DNMBP: variants seen among roughly 807,000 people sequenced by gnomAD.
The protein encoded by DNMBP is dynamin binding protein.
DNMBP carries 87 observed loss-of-function variants against 150.0 expected under a neutral mutation model. That is an observed-to-expected ratio of 0.58 (90% confidence interval 0.49 to 0.69). The LOEUF is 0.69. DNMBP is among the 30% of genes least tolerant of loss of function. The pLI, the probability that DNMBP is intolerant of heterozygous loss-of-function variation, is 0.00. For synonymous variants in DNMBP, 711 were observed against 750.4 expected, an observed-to-expected ratio of 0.95 and a Z score of 0.86; for missense variants, 1,774 against 1,949.0, an observed-to-expected ratio of 0.91 and a Z score of 1.69.
chr10:99,982,480 A>G (rs2040789212), intron 1 of DNMBP, among the ~76,000 whole-genome samples: 1 of 151,932 alleles, frequency 6.6e-6, no homozygotes, highest in Admixed American at 6.6e-5. Context: ...AAAATAAAAT[A>G]AAGAATTGAG....
intron 5 of DNMBP, among the ~76,000 whole-genome samples, 155 bp downstream of exon 5, chr10:99,908,798 C>G (rs914654128): frequency 6.6e-6 from 1 of 152,096 alleles, no homozygotes; most frequent in Admixed American, 6.5e-5. Flanking sequence ...TGATGACACA[C>G]GTATGTTGAG....
At position 99,908,990 on chromosome 10, in the gene DNMBP, C is replaced by T. The variant is rs375519110; in HGVS notation, c.2417G>A (p.Cys806Tyr). Residue 806 changes from cysteine (C) to tyrosine (Y), a missense_variant, in exon 5 of 17, where the codon TGT (cysteine) becomes TAT (tyrosine). Transcript: ENST00000324109. ...CATGGGTACCATGATCCGCTCAATA[C>T]ACATTTCCAGATCCCGAATGTAGTC... Reference protein sequence around the residue: ...ERDYIRDLEMCIERIMVPMQQ... With the variant: ...ERDYIRDLEMYIERIMVPMQQ... 1 of 1,614,162 alleles carries T rather than the reference C, an allele frequency of 6.2e-7. No homozygotes were observed. The highest frequency in any genetic ancestry group is 8.5e-7 in the Non-Finnish European group (1 of 1,180,012).
At chr10:99,967,392 G>A (rs960885093) in intron 3 of DNMBP, among the ~76,000 whole-genome samples, 4 of 152,110 alleles carry the variant, frequency 2.6e-5, no homozygotes, top group Non-Finnish European at 5.9e-5. Context: ...TGGGTGTGGT[G>A]GCAGGTGCCT....
Position 99,885,789 on chromosome 10 carries a change from G to T in DNMBP, c.3696C>A (p.Leu1232=), listed in dbSNP as rs186908796. The change falls in exon 14 of 17, where the codon CTC becomes CTA. Residue 1232 remains leucine, a synonymous_variant. Coordinates refer to ENST00000324109, the MANE Select transcript of DNMBP (RefSeq NM_015221.4). ...ACTCCGGGAAGAAGGTAAAAACCTGGAGTTGCTGCAGAACTCTGCTGTGCT... is the reference window on the plus strand; with the variant it reads ...ACTCCGGGAAGAAGGTAAAAACCTGTAGTTGCTGCAGAACTCTGCTGTGCT... ...HEEHSRVLQQ[L]QVFTFFPESL... The T allele has an allele frequency of 6.2e-7, 1 of 1,612,264 alleles. No individual in the cohort carries two copies.
intron 1 of DNMBP, among the ~76,000 whole-genome samples, chr10:99,999,019 G>A (rs938174028): frequency 1.3e-5 from 2 of 152,240 alleles, no homozygotes; most frequent in Admixed American, 6.5e-5. Context: ...TTTCGGAGGT[G>A]CCACGTGGTT....
rs557957439 is a variant in DNMBP, at chr10:99,876,210, T to C, written c.*941A>G. The stretch of plus-strand genomic sequence containing the variant: ...CTCATACTGTTACTCTAGGAAAATC[T>C]ATCAATTATTGAGTCCAGGGCAGGG... On this transcript the variant is annotated 3_prime_UTR_variant, in exon 17 of 17. Transcript: ENST00000324109. 1 of 152,298 alleles carries C rather than the reference T, an allele frequency of 6.6e-6. No homozygotes were observed. Among genetic ancestry groups the C allele is most frequent in the East Asian group, 1.9e-4 (1 of 5,184 alleles). The allele number at this position is 152,298 out of a possible 1,614,324, so 9.4% of individuals were successfully genotyped here.
intron 15 of DNMBP, among the ~76,000 whole-genome samples, chr10:99,881,071 C>T (rs2039360006): frequency 6.6e-6 from 1 of 152,034 alleles, no homozygotes; most frequent in South Asian, 2.1e-4. Context: ...ATTAAAAATA[C>T]GAAAATATTA....
chr10:99,971,860 C>CTTTCTT, intron 2 of DNMBP, 120 bp downstream of exon 2: 3 of 706,340 alleles, frequency 4.2e-6, no homozygotes, highest in Non-Finnish European at 6.4e-6. Context: ...TTCTTTCTTT[C>CTTTCTT]TTTTTTTTTT....
chr10:99,948,167 T>C (rs2040379580), intron 4 of DNMBP, among the ~76,000 whole-genome samples: 1 of 152,204 alleles, frequency 6.6e-6, no homozygotes, highest in East Asian at 1.9e-4. Context: ...GTTATTAAAA[T>C]ATATAATCAT....
intron 4 of DNMBP, among the ~76,000 whole-genome samples, chr10:99,935,741 C>T (rs1289028864): frequency 6.6e-6 from 1 of 152,086 alleles, no homozygotes; most frequent in Non-Finnish European, 1.5e-5. Flanking sequence ...ATTTTGTATT[C>T]TTAGTAGACA....
chr10:99,990,135 T>C (rs2040870202), intron 1 of DNMBP, among the ~76,000 whole-genome samples: 1 of 152,352 alleles, frequency 6.6e-6, no homozygotes, highest in Middle Eastern at 3.4e-3. Context: ...ATCACACTAT[T>C]CTTTCCCACA....
chr10:100,002,168 C>A (rs903942849), intron 1 of DNMBP, among the ~76,000 whole-genome samples: 1 of 152,138 alleles, frequency 6.6e-6, no homozygotes, highest in African/African-American at 2.4e-5. Context: ...TGCTCCCCCA[C>A]CCCAATAAAA....
chr10:99,981,849 G>A (rs2040782553), intron 1 of DNMBP, among the ~76,000 whole-genome samples: 1 of 152,126 alleles, frequency 6.6e-6, no homozygotes. Flanking sequence ...CTCCCTGCTG[G>A]GTTGTGAGTT....
chr10:99,891,567 G>A (rs1407714791), intron 11 of DNMBP, among the ~76,000 whole-genome samples: 2 of 151,938 alleles, frequency 1.3e-5, no homozygotes, highest in African/African-American at 2.4e-5. Flanking sequence ...CCAAAGTGCC[G>A]AGATTGCAGC....
At position 99,898,755 on chromosome 10, in the gene DNMBP, A is replaced by T. The variant is rs749628927; in HGVS notation, c.2708T>A (p.Leu903Gln). 3.7e-6 allele frequency: 6 copies of T among 1,613,826 alleles called. No individual in the cohort carries two copies. In the South Asian group the frequency reaches 6.6e-5, roughly 18 times the overall value. ...CAATGGAACTTACCATTCGTTGTAT[A>T]GGCTCCTGCAAGGCAGTGGGCATGA... ...LQDSLADLKS[L>Q]YNEWGCTNYI... Residue 903 changes from leucine to glutamine, a missense_variant, in exon 8 of 17, where the codon CTA (leucine) becomes CAA (glutamine). Coordinates refer to ENST00000324109, the MANE Select transcript of DNMBP (RefSeq NM_015221.4).
intron 3 of DNMBP, among the ~76,000 whole-genome samples, chr10:99,963,004 T>C (rs2997833): frequency 2.2e-4 from 33 of 152,220 alleles, no homozygotes; most frequent in African/African-American, 7.5e-4. Context: ...ACATACACAA[T>C]TTAGAACCTG....
intron 4 of DNMBP, among the ~76,000 whole-genome samples, chr10:99,914,441 T>C (rs1044406923): frequency 2.0e-5 from 3 of 152,140 alleles, no homozygotes; most frequent in Admixed American, 1.3e-4. Flanking sequence ...TGGGCAGCAG[T>C]TGCCTGTTTA....
intron 3 of DNMBP, among the ~76,000 whole-genome samples, chr10:99,964,923 G>A (rs1043663331): frequency 2.0e-5 from 3 of 150,498 alleles, no homozygotes; most frequent in African/African-American, 7.3e-5. Flanking sequence ...CAAAACAGTA[G>A]GAATAGTCCA....
chr10:99,882,878 C>T (rs1027857173), intron 15 of DNMBP, among the ~76,000 whole-genome samples: 6 of 152,048 alleles, frequency 3.9e-5, no homozygotes, highest in African/African-American at 1.2e-4. Context: ...CCAGCCTGGT[C>T]AACATGGTGA....
Sources: gnomAD v4.1 joint callset for allele counts (sites outside exome capture counted in the v4.1 genomes callset) on GRCh38, gnomAD v4.1.1 for gene constraint, MANE v1.5 for transcripts, NCBI Gene and HGNC (gene_info 2026-07-23, HGNC 2026-07-21) for gene names.